Variants in FAM227B observed in about 807,000 individuals in gnomAD.
FAM227B encodes the protein protein FAM227B.
FAM227B carries 88 observed loss-of-function variants against 73.8 expected under a neutral mutation model. The observed-to-expected ratio is 1.19, with a 90% CI of 1.00 to 1.42. FAM227B has a LOEUF of 1.42. Ranked by LOEUF, FAM227B falls within the 40% of genes most tolerant of loss-of-function variation. FAM227B has a pLI of 0.00. For missense variants in FAM227B, 632 were observed against 590.9 expected, an observed-to-expected ratio of 1.07 and a Z score of -0.72; for synonymous variants, 210 against 190.5, an observed-to-expected ratio of 1.10 and a Z score of -0.84.
intron 11 of FAM227B, among the ~76,000 whole-genome samples, chr15:49,462,440 T>C (rs2053887523): frequency 2.6e-5 from 4 of 152,206 alleles, no homozygotes; most frequent in Admixed American, 6.5e-5. Flanking sequence ...AGTCCAGAAG[T>C]ATTTTTAGTC....
intron 9 of FAM227B, among the ~76,000 whole-genome samples, chr15:49,563,178 A>T (rs2074390184): frequency 6.6e-6 from 1 of 152,218 alleles, no homozygotes; most frequent in Non-Finnish European, 1.5e-5. Context: ...TACAAAACTC[A>T]GTAGCATTTC....
intron 11 of FAM227B, among the ~76,000 whole-genome samples, chr15:49,425,916 T>G (rs944795121): frequency 3.3e-5 from 5 of 151,612 alleles, no homozygotes; most frequent in Admixed American, 3.3e-4. Context: ...TGGAGAAAAT[T>G]TTTTTGATAT....
intron 15 of FAM227B, chr15:49,331,491 AAAC>A (rs1413369170): frequency 3.1e-6 from 1 of 323,478 alleles, no homozygotes; most frequent in Non-Finnish European, 5.7e-6. Flanking sequence ...TTACAATTTT[AAAC>A]ATCAGTGATT....
At chr15:49,588,589 AT>A (rs2076329693) in intron 4 of FAM227B, among the ~76,000 whole-genome samples, 3 of 119,788 alleles carry the variant, frequency 2.5e-5, no homozygotes, top group Admixed American at 8.3e-5. Flanking sequence ...ATATATATAT[AT>A]ATATATATAT....
chr15:49,593,160 G>A (rs778950818), intron 3 of FAM227B, among the ~76,000 whole-genome samples: 9 of 152,228 alleles, frequency 5.9e-5, no homozygotes, highest in Middle Eastern at 6.8e-3. Context: ...GTGATGCCCC[G>A]CCCTGCTTTG....
intron 12 of FAM227B, 68 bp downstream of exon 12, chr15:49,371,234 C>A (rs1309400441): frequency 2.2e-6 from 2 of 897,234 alleles, no homozygotes; most frequent in South Asian, 2.9e-5. Flanking sequence ...ATGTACAGCA[C>A]AGTCAATTGC....
At chr15:49,533,476 TCTC>T (rs1164972219) in intron 10 of FAM227B, among the ~76,000 whole-genome samples, 2 of 151,868 alleles carry the variant, frequency 1.3e-5, no homozygotes, top group Non-Finnish European at 2.9e-5. Flanking sequence ...GGTCTTATAG[TCTC>T]CTATTATTAT....
chr15:49,343,027 GGT>G (rs2151241705), intron 13 of FAM227B, among the ~76,000 whole-genome samples: 1 of 152,190 alleles, frequency 6.6e-6, no homozygotes, highest in African/African-American at 2.4e-5. Context: ...GTATCTCACA[GGT>G]GTTCTCTGAA....
rs556212842 is a variant in FAM227B at position 49,443,749 on chromosome 15, G to T, written c.1012+64462C>A. 6.6e-5 allele frequency among the ~76,000 whole-genome samples: 10 copies of T among 151,756 alleles called. No homozygotes were observed. The South Asian group carries it at 2.1e-3, about 31-fold the overall frequency. ...AACAAATATTATTGTCAGAACTATA[G>T]TTGTTCCTCTATTACAACCATGGTT... On this transcript the variant is annotated intron_variant, in intron 11 of 15. Transcript: ENST00000299338.
At chr15:49,381,567 G>C (rs1428197088) in intron 11 of FAM227B, among the ~76,000 whole-genome samples, 1 of 152,036 alleles carries the variant, frequency 6.6e-6, no homozygotes, top group African/African-American at 2.4e-5. Flanking sequence ...CTCTTTACTT[G>C]CTTCAGTGAT....
chr15:49,532,230 C>T (rs2060664008), intron 10 of FAM227B, among the ~76,000 whole-genome samples: 2 of 151,488 alleles, frequency 1.3e-5, no homozygotes, highest in Admixed American at 1.3e-4. Flanking sequence ...TGAAAATTTG[C>T]TATTTGAAAC....
intron 9 of FAM227B, among the ~76,000 whole-genome samples, chr15:49,562,067 CTT>C (rs142517714): frequency 0.015 from 2,230 of 152,038 alleles, 71 homozygotes; most frequent in African/African-American, 0.052. Flanking sequence ...AAAGCTGATT[CTT>C]TGAGAGGATA....
At chr15:49,521,856 C>T (rs1280779026) in intron 10 of FAM227B, among the ~76,000 whole-genome samples, 1 of 152,054 alleles carries the variant, frequency 6.6e-6, no homozygotes, top group Non-Finnish European at 1.5e-5. Flanking sequence ...ATGGTGCAGC[C>T]CCCACGCCAT....
chr15:49,498,921 C>T (rs2057872746), intron 11 of FAM227B, among the ~76,000 whole-genome samples: 1 of 152,008 alleles, frequency 6.6e-6, no homozygotes, highest in African/African-American at 2.4e-5. Context: ...AATCCCAGCA[C>T]TTTGGGAGGC....
At chr15:49,504,550 C>T (rs2058429202) in intron 11 of FAM227B, among the ~76,000 whole-genome samples, 1 of 152,078 alleles carries the variant, frequency 6.6e-6, no homozygotes, top group Admixed American at 6.6e-5. Flanking sequence ...CACCCTAGAC[C>T]CACTGAACAG....
At chr15:49,373,244 A>G (rs1370342972) in intron 11 of FAM227B, among the ~76,000 whole-genome samples, 2 of 152,120 alleles carry the variant, frequency 1.3e-5, no homozygotes, top group Non-Finnish European at 2.9e-5. Context: ...AGTAGTATAC[A>G]TTAATATGAG....
At chr15:49,478,533 G>A (rs1824722702) in intron 11 of FAM227B, among the ~76,000 whole-genome samples, 2 of 152,134 alleles carry the variant, frequency 1.3e-5, no homozygotes, top group African/African-American at 4.8e-5. Flanking sequence ...ATCATAAAAT[G>A]TATTTAAATT....
chr15:49,403,064 T>C (rs2048282207), intron 11 of FAM227B, among the ~76,000 whole-genome samples: 1 of 152,222 alleles, frequency 6.6e-6, no homozygotes, highest in Admixed American at 6.5e-5. Flanking sequence ...TAGTTCTGTT[T>C]ATGTGACGAA....
intron 11 of FAM227B, among the ~76,000 whole-genome samples, chr15:49,438,415 C>G (rs778891489): frequency 7.9e-5 from 12 of 151,704 alleles, no homozygotes; most frequent in Non-Finnish European, 1.5e-4. Context: ...CTTTGTTCCA[C>G]CCAGTCTTTG....
Sources: allele counts gnomAD v4.1 joint callset (sites outside exome capture counted in the v4.1 genomes callset), GRCh38; gene constraint gnomAD v4.1.1; transcripts MANE v1.5; gene names NCBI Gene and HGNC (gene_info 2026-07-23, HGNC 2026-07-21).